Variants in NOSIP observed in about 807,000 individuals in gnomAD.
NOSIP encodes nitric oxide synthase-interacting protein.
NOSIP carries 25 observed loss-of-function variants against 36.4 expected under a neutral mutation model. The ratio of observed to expected loss-of-function variants is 0.69; its 90% confidence interval spans 0.50 to 0.96. The LOEUF (loss-of-function observed/expected upper bound fraction) is 0.96, where lower values mean the gene tolerates loss of function less well. Ranked by LOEUF, NOSIP falls within the 40% of genes least tolerant of loss-of-function variation. NOSIP has a pLI of 0.00. For synonymous variants in NOSIP, 187 were observed against 179.2 expected (o/e 1.04, Z -0.35); for missense variants, 370 against 429.0 (o/e 0.86, Z 1.21).
In NOSIP at chr19:49,560,616, C is replaced by G; in HGVS notation, c.70+6G>C. ...TGTCCCGCCTCTTCCCACCCCAGCCCTGCACCTGTGTCCTTCTTCTTCTCG... is the reference window on the plus strand; with the variant it reads ...TGTCCCGCCTCTTCCCACCCCAGCCGTGCACCTGTGTCCTTCTTCTTCTCG... On this transcript the variant is annotated splice_donor_region_variant and intron_variant, in intron 2 of 8. Coordinates refer to ENST00000596358, the MANE Select transcript of NOSIP (RefSeq NM_001270960.2). The surrounding 1 kb of genome is among the most constrained non-coding windows in gnomAD (Gnocchi z 4.6). 1 of 1,580,750 alleles carries G rather than the reference C, an allele frequency of 6.3e-7. No homozygotes were observed. Among genetic ancestry groups the G allele is most frequent in the African/African-American group, 1.3e-5 (1 of 74,390 alleles).
At chr19:49,557,779 C>T (rs2080274597) in intron 4 of NOSIP, 6 of 988,914 alleles carry the variant, frequency 6.1e-6, no homozygotes, top group African/African-American at 1.7e-5. Context: ...ATGACCTGAG[C>T]TCAGCCCTGC....
At chr19:49,577,193 G>A (rs1201700353) in intron 1 of NOSIP, among the ~76,000 whole-genome samples, 1 of 152,156 alleles carries the variant, frequency 6.6e-6, no homozygotes, top group Non-Finnish European at 1.5e-5. Flanking sequence ...TTCTGGAAAA[G>A]TCACAGTTTC....
chr19:49,561,343 C>A (rs2080331761), intron 1 of NOSIP, among the ~76,000 whole-genome samples: 1 of 152,132 alleles, frequency 6.6e-6, no homozygotes, highest in African/African-American at 2.4e-5. Context: ...AGAGAAGACC[C>A]CAGAACCCTG....
chr19:49,571,940 G>A (rs538824019), intron 1 of NOSIP, among the ~76,000 whole-genome samples: 4 of 125,912 alleles, frequency 3.2e-5, no homozygotes, highest in South Asian at 5.7e-4. Flanking sequence ...AGCCCAGATC[G>A]CACCACTGCA....
chr19:49,555,622 T>A lies in NOSIP; in HGVS notation c.*129A>T. 1.4e-6 allele frequency: 1 copy of A among 706,478 alleles called. No individual in the cohort carries two copies. Among genetic ancestry groups the A allele is most frequent in the Non-Finnish European group, 2.5e-6 (1 of 405,796 alleles). The allele number at this position is 706,478 out of a possible 1,614,324, so 43.8% of individuals were successfully genotyped here. The stretch of plus-strand genomic sequence containing the variant: ...TAGCCCGCTCTTTCAAACTCCAGCG[T>A]GCGCTGTAGGAGCACTGTTTGCACG... On this transcript the variant is annotated 3_prime_UTR_variant, in exon 9 of 9. Coordinates refer to ENST00000596358, the MANE Select transcript of NOSIP (RefSeq NM_001270960.2).
chr19:49,568,984 G>A (rs1245264069), intron 1 of NOSIP, among the ~76,000 whole-genome samples: 1 of 150,036 alleles, frequency 6.7e-6, no homozygotes, highest in African/African-American at 2.5e-5. Flanking sequence ...TGTATTTTTA[G>A]CAGAGATGGG....
rs747614779 is a variant in NOSIP, at chr19:49,555,838, A to G, written c.835-16T>C. On this transcript the variant is annotated splice_polypyrimidine_tract_variant and intron_variant, in intron 8 of 8. Transcript: ENST00000596358. ...CGGTACCGCCCTGGGGGAGGTAGAG[A>G]GAAGGACGAGGTAGAGGCCGGCCCG... 5.6e-6 allele frequency: 9 copies of G among 1,609,118 alleles called. No homozygotes were observed. In the South Asian group the frequency reaches 7.7e-5, roughly 14 times the overall value.
chr19:49,556,049 T>G (rs1599740811), intron 8 of NOSIP, among the ~76,000 whole-genome samples: 1 of 109,640 alleles, frequency 9.1e-6, no homozygotes, highest in South Asian at 2.9e-4. Flanking sequence ...GGAGGGAGCG[T>G]GTGGAGGGGG....
chr19:49,556,773 G>A, intron 6 of NOSIP, 37 bp from the exon 7 acceptor site: 4 of 1,583,522 alleles, frequency 2.5e-6, no homozygotes, highest in Non-Finnish European at 2.6e-6. Context: ...CAGTAGGCAG[G>A]GCTGGCGCAG....
At chr19:49,557,379 T>C (rs2080269282) in intron 4 of NOSIP, 130 bp from the exon 5 acceptor site, 12 of 1,447,214 alleles carry the variant, frequency 8.3e-6, no homozygotes, top group Non-Finnish European at 1.1e-5. Context: ...CAGAGGGTGG[T>C]AACTGCCACC....
chr19:49,557,336 C>A, intron 4 of NOSIP, 87 bp from the exon 5 acceptor site: 1 of 1,478,218 alleles, frequency 6.8e-7, no homozygotes, highest in Non-Finnish European at 9.0e-7. Context: ...CTGAGGCCCA[C>A]AAAGGGGACC....
At chr19:49,574,154 G>A (rs1267695888) in intron 1 of NOSIP, among the ~76,000 whole-genome samples, 1 of 152,042 alleles carries the variant, frequency 6.6e-6, no homozygotes, top group African/African-American at 2.4e-5. Context: ...GAGCTACCGC[G>A]CCCAGTCTTG....
At position 49,556,990 on chromosome 19, in the gene NOSIP, T is replaced by C; in HGVS notation, c.422A>G (p.Asp141Gly). The change falls in exon 6 of 9, where the codon GAT becomes GGT. Residue 141 changes from aspartate to glycine, a missense_variant. By Grantham distance (94) the Asp-to-Gly change is moderately conservative (BLOSUM62 -1). Around this residue, in one of 3 missense-constraint regions of NOSIP, gnomAD observed 315 missense variants for 331.9 expected, o/e 0.95. Coordinates refer to ENST00000596358, the MANE Select transcript of NOSIP (RefSeq NM_001270960.2). ...AKALSGTSPDDVQPGPSVGPP... is the reference protein window; with the variant it reads ...AKALSGTSPDGVQPGPSVGPP... ...ACCCACACTGGGCCCAGGTTGGACATCATCTGTGGGGGAAGGAAGGGACTC... is the reference window on the plus strand; with the variant it reads ...ACCCACACTGGGCCCAGGTTGGACACCATCTGTGGGGGAAGGAAGGGACTC... 5.6e-6 allele frequency: 9 copies of C among 1,607,122 alleles called. No homozygotes were observed. Among genetic ancestry groups the C allele is most frequent in the Non-Finnish European group, 7.6e-6 (9 of 1,176,666 alleles).
At chr19:49,557,428 C>G (rs10426466) in intron 4 of NOSIP, 179 bp from the exon 5 acceptor site, 249,436 of 1,423,244 alleles carry the variant, frequency 0.18, 35,580 homozygotes, top group African/African-American at 0.75. Context: ...TATAGCCAGA[C>G]TGCCAGGGCT....
intron 1 of NOSIP, among the ~76,000 whole-genome samples, chr19:49,570,726 C>A (rs141972101): frequency 1.3e-5 from 2 of 152,074 alleles, no homozygotes; most frequent in African/African-American, 4.8e-5. Flanking sequence ...ACCTGCCATC[C>A]GCTCCCCAGC....
At chr19:49,573,190 G>A (rs915960463) in intron 1 of NOSIP, among the ~76,000 whole-genome samples, 9 of 152,130 alleles carry the variant, frequency 5.9e-5, no homozygotes, top group African/African-American at 1.9e-4. Context: ...AGCACCTGTG[G>A]CTTTGACCAT....
At chr19:49,570,215 A>G (rs1387803131) in intron 1 of NOSIP, among the ~76,000 whole-genome samples, 2 of 152,184 alleles carry the variant, frequency 1.3e-5, no homozygotes. Context: ...GTAGCCTGCA[A>G]GTAGGATCCA....
chr19:49,559,585 C>T (rs1187416310), intron 3 of NOSIP: 2 of 263,388 alleles, frequency 7.6e-6, no homozygotes, highest in Admixed American at 5.0e-5. Context: ...AAATATACCA[C>T]TAATTGAGCA....
chr19:49,571,226 T>C (rs1303050523), intron 1 of NOSIP, among the ~76,000 whole-genome samples: 1 of 151,092 alleles, frequency 6.6e-6, no homozygotes, highest in Non-Finnish European at 1.5e-5. Context: ...TCTCAAGTGA[T>C]CCGCCCACCT....
Sources: allele counts gnomAD v4.1 joint callset (sites outside exome capture counted in the v4.1 genomes callset), GRCh38; gene constraint gnomAD v4.1.1; regional missense constraint gnomAD v4.1.1; non-coding constraint Gnocchi (gnomAD v3.1); transcripts MANE v1.5; gene names NCBI Gene and HGNC (gene_info 2026-07-23, HGNC 2026-07-21).